Variants in TSC22D1 observed in about 807,000 individuals in gnomAD.
The protein encoded by TSC22D1 is TSC22 domain family member 1.
Under a neutral mutation model 74.2 loss-of-function variants are expected in TSC22D1, and 9 were observed. The observed-to-expected ratio is 0.12, with a 90% confidence interval of 0.07 to 0.21. The LOEUF (loss-of-function observed/expected upper bound fraction) is 0.21, where lower values mean the gene tolerates loss of function less well. Among genes scored for constraint, TSC22D1 ranks in the 10% least tolerant of loss-of-function variants. The probability of loss-of-function intolerance (pLI) is 1.00; values close to 1 mark genes in which losing one functional copy is unlikely to be tolerated. For synonymous variants in TSC22D1, 586 were observed against 492.5 expected (o/e 1.19, Z -2.51); for missense variants, 1,427 against 1,304.7 (o/e 1.09, Z -1.44).
In TSC22D1 at chr13:44,433,527, C is replaced by T. The variant is rs1874233993; in HGVS notation, c.*1099G>A. Reference sequence around the variant, plus strand: ...GGTCATATGAAAAACACTTGTTTATCAACATTTATATGCTTTATTGAAAGT... The same window carrying T: ...GGTCATATGAAAAACACTTGTTTATTAACATTTATATGCTTTATTGAAAGT... On this transcript the variant is annotated 3_prime_UTR_variant, in exon 3 of 3. Coordinates refer to ENST00000458659, the MANE Select transcript of TSC22D1 (RefSeq NM_183422.4). 1 of 153,240 alleles carries T rather than the reference C, an allele frequency of 6.5e-6. No homozygotes were observed. Among genetic ancestry groups the T allele is most frequent in the Non-Finnish European group, 1.5e-5 (1 of 68,828 alleles). The allele number at this position is 153,240 out of a possible 1,614,324, so 9.5% of individuals were successfully genotyped here. A position where few individuals can be genotyped will look rare whatever the true frequency, so the allele number is the denominator to read the frequency against.
intron 1 of TSC22D1, among the ~76,000 whole-genome samples, chr13:44,504,202 A>C (rs1423224793): frequency 6.6e-6 from 1 of 151,946 alleles, no homozygotes; most frequent in Non-Finnish European, 1.5e-5. Context: ...TATTTAATGA[A>C]TATTTCTTCC....
intron 1 of TSC22D1, among the ~76,000 whole-genome samples, chr13:44,483,064 A>T (rs750514321): frequency 1.8e-4 from 27 of 152,316 alleles, no homozygotes; most frequent in African/African-American, 4.8e-4. Flanking sequence ...AAGAAATTTT[A>T]AAAAAGTAAC....
intron 1 of TSC22D1, among the ~76,000 whole-genome samples, chr13:44,486,677 C>T (rs1878438945): frequency 2.0e-5 from 3 of 152,260 alleles, no homozygotes; most frequent in Middle Eastern, 3.4e-3. Context: ...TCTATATAAA[C>T]TGTTGATGTG....
At chr13:44,456,588 A>G (rs1876666543) in intron 1 of TSC22D1, among the ~76,000 whole-genome samples, 1 of 152,206 alleles carries the variant, frequency 6.6e-6, no homozygotes, top group Non-Finnish European at 1.5e-5. Flanking sequence ...CACCTTTCAC[A>G]ATGACTAACA....
chr13:44,457,637 C>CA (rs10692086), intron 1 of TSC22D1, among the ~76,000 whole-genome samples: 35,486 of 85,226 alleles, frequency 0.42, 6,910 homozygotes, highest in Middle Eastern at 0.53. Flanking sequence ...AAGCAAATAG[C>CA]AAAAAAAAAA....
chr13:44,574,850 C>T lies in TSC22D1; in HGVS notation c.1225G>A (p.Val409Ile), dbSNP rs1884089527. The T allele has an allele frequency of 1.2e-6, 2 of 1,614,062 alleles. No homozygotes were observed. The highest frequency in any genetic ancestry group is 1.7e-5 in the Admixed American group (1 of 60,006). The change falls in exon 1 of 3, where the codon GTT becomes ATT. Residue 409 changes from valine to isoleucine, a missense_variant. Around this residue, in one of 3 missense-constraint regions of TSC22D1, gnomAD observed 1,343 missense variants for 1,191.5 expected, o/e 1.13. Transcript: ENST00000458659. ...QPTVNTSRFR[V>I]VKLDSSSEPF... ...TCAGAACTAGAATCTAACTTCACAACTCTGAACCTCGAAGTGTTAACTGTT... is the reference window on the plus strand; with the variant it reads ...TCAGAACTAGAATCTAACTTCACAATTCTGAACCTCGAAGTGTTAACTGTT...
chr13:44,455,169 G>A (rs1482816525), intron 1 of TSC22D1, among the ~76,000 whole-genome samples: 2 of 152,170 alleles, frequency 1.3e-5, no homozygotes, highest in Non-Finnish European at 1.5e-5. Flanking sequence ...GATCAGAGAG[G>A]ATGAAATTTT....
Position 44,575,194 on chromosome 13 carries a change from C to T in TSC22D1, c.881G>A (p.Arg294His), listed in dbSNP as rs189732967. Residue 294 changes from arginine to histidine, a missense_variant, in exon 1 of 3, where the codon CGT becomes CAT. Arg to His is a conservative substitution (Grantham distance 29, BLOSUM62 0). Transcript: ENST00000458659. Reference sequence around the variant, plus strand: ...TATTCCACCTGTAGTACTTGGAGCACGCATATTAGTCATTACAGATGCAGG... The same window carrying T: ...TATTCCACCTGTAGTACTTGGAGCATGCATATTAGTCATTACAGATGCAGG... Reference protein sequence around the residue: ...GSPASVMTNMRAPSTTGGIGI... With the variant: ...GSPASVMTNMHAPSTTGGIGI... 2 of 1,614,000 alleles carry T rather than the reference C, an allele frequency of 1.2e-6. No individual in the cohort carries two copies. Among genetic ancestry groups the T allele is most frequent in the East Asian group, 2.2e-5 (1 of 44,888 alleles).
At chr13:44,544,665 G>GA (rs1481760446) in intron 1 of TSC22D1, among the ~76,000 whole-genome samples, 1 of 151,828 alleles carries the variant, frequency 6.6e-6, no homozygotes, top group Admixed American at 6.6e-5. Context: ...AATGAAAACA[G>GA]AAAAACCTAA....
In TSC22D1 at chr13:44,575,953, A is replaced by G. The variant is rs769962486; in HGVS notation, c.122T>C (p.Leu41Pro). The change falls in exon 1 of 3, where the codon CTC (leucine) becomes CCC (proline). Residue 41 changes from leucine (L) to proline (P), a missense_variant. Leu to Pro is a moderately conservative substitution (Grantham distance 98, BLOSUM62 -3). Coordinates refer to ENST00000458659, the MANE Select transcript of TSC22D1 (RefSeq NM_183422.4). ...ACCGACGCCGGTACCTGCTGCATTG[A>G]GAGCAGAGGCGCTGCCACTACCGCT... ...RGSGSGSASA[L>P]NAAGTGVGSN... 3 of 1,609,550 alleles carry G rather than the reference A, an allele frequency of 1.9e-6. No individual in the cohort carries two copies. The highest frequency in any genetic ancestry group is 2.5e-6 in the Non-Finnish European group (3 of 1,178,256).
chr13:44,567,239 C>G (rs955217743), intron 1 of TSC22D1, among the ~76,000 whole-genome samples: 3 of 152,154 alleles, frequency 2.0e-5, no homozygotes, highest in African/African-American at 7.2e-5. Context: ...ATCAGAAGAG[C>G]CTTCTTATAG....
intron 1 of TSC22D1, among the ~76,000 whole-genome samples, chr13:44,490,584 A>G (rs1346401160): frequency 1.3e-5 from 2 of 152,252 alleles, no homozygotes; most frequent in Admixed American, 1.3e-4. Context: ...GATGTCTTAA[A>G]CCCAAGAATT....
In TSC22D1 at chr13:44,432,836, T is replaced by G. The variant is rs1375340570; in HGVS notation, c.*1790A>C. The G allele has an allele frequency of 1.3e-5, 2 of 152,202 alleles. No individual in the cohort carries two copies. The allele number at this position is 152,202 out of a possible 1,614,324, so 9.4% of individuals were successfully genotyped here. Reference sequence around the variant, plus strand: ...CACCCCATTCACTTGCTCGCTCACGTTACTCCTACTGCAGAGTGGGATCCC... The same window carrying G: ...CACCCCATTCACTTGCTCGCTCACGGTACTCCTACTGCAGAGTGGGATCCC... On this transcript the variant is annotated 3_prime_UTR_variant, in exon 3 of 3. Transcript: ENST00000458659.
intron 1 of TSC22D1, among the ~76,000 whole-genome samples, chr13:44,500,389 A>T (rs948482998): frequency 6.6e-6 from 1 of 152,218 alleles, no homozygotes; most frequent in African/African-American, 2.4e-5. Flanking sequence ...GCCAGACATA[A>T]AATTATTTCA....
intron 1 of TSC22D1, chr13:44,436,666 G>A (rs1346896016): frequency 1.9e-6 from 3 of 1,598,562 alleles, no homozygotes; most frequent in African/African-American, 2.7e-5. Flanking sequence ...GAAAAAAAGA[G>A]GGAACACCAG....
At chr13:44,466,722 A>G (rs1323158725) in intron 1 of TSC22D1, among the ~76,000 whole-genome samples, 1 of 152,072 alleles carries the variant, frequency 6.6e-6, no homozygotes, top group Non-Finnish European at 1.5e-5. Context: ...ATGAGCTGAG[A>G]TCATACCACT....
At chr13:44,487,831 C>G (rs1331776529) in intron 1 of TSC22D1, among the ~76,000 whole-genome samples, 2 of 152,056 alleles carry the variant, frequency 1.3e-5, no homozygotes, top group Admixed American at 1.3e-4. Context: ...CCAAGGCAGG[C>G]GGATCACTTC....
chr13:44,437,870 T>G (rs559932610), intron 1 of TSC22D1, among the ~76,000 whole-genome samples: 1 of 152,264 alleles, frequency 6.6e-6, no homozygotes, highest in East Asian at 1.9e-4. Context: ...AGGGAGGATA[T>G]AATGGTGGTT....
At chr13:44,481,317 C>A (rs1878166909) in intron 1 of TSC22D1, among the ~76,000 whole-genome samples, 3 of 152,040 alleles carry the variant, frequency 2.0e-5, no homozygotes, top group Admixed American at 2.0e-4. Flanking sequence ...ACAGCCACAC[C>A]ACAGCAGTGT....
Sources: gnomAD v4.1 joint callset for allele counts (sites outside exome capture counted in the v4.1 genomes callset) on GRCh38, gnomAD v4.1.1 for gene constraint, gnomAD v4.1.1 regional missense constraint, MANE v1.5 for transcripts, NCBI Gene and HGNC (gene_info 2026-07-23, HGNC 2026-07-21) for gene names.